Variants in TMEM150B observed in about 807,000 individuals in gnomAD.
TMEM150B encodes the protein transmembrane protein 150B, also known as modulator of macroautophagy TMEM150B.
In TMEM150B, 33 loss-of-function variants were observed where a neutral mutation model predicts 25.2. The observed-to-expected ratio is 1.31, with a 90% CI of 0.99 to 1.75. TMEM150B has a LOEUF of 1.75. Among genes scored for constraint, TMEM150B ranks in the 40% most tolerant of loss-of-function variants. TMEM150B has a pLI of 0.00. For missense variants in TMEM150B, 322 were observed against 306.1 expected (o/e 1.05, Z -0.39); for synonymous variants, 133 against 134.8 (o/e 0.99, Z 0.09).
At chr19:55,322,457 T>C (rs1039971983) in intron 2 of TMEM150B, among the ~76,000 whole-genome samples, 191 bp downstream of exon 2, 1 of 152,050 alleles carries the variant, frequency 6.6e-6, no homozygotes, top group Non-Finnish European at 1.5e-5. Context: ...TGGGCCCCCA[T>C]TGGCTCTCAG....
At chr19:55,311,193 C>T (rs1463898996), downstream of TMEM150B, among the ~76,000 whole-genome samples, 3 of 152,128 alleles carry the variant, frequency 2.0e-5, no homozygotes, top group African/African-American at 4.8e-5. Context: ...AACTCCTGAC[C>T]TCAAGTGATC....
intron 6 of TMEM150B, among the ~76,000 whole-genome samples, chr19:55,318,217 C>T (rs1032664408): frequency 4.0e-5 from 6 of 151,526 alleles, no homozygotes; most frequent in Middle Eastern, 6.5e-3. Context: ...AAAAAGTAGC[C>T]GGGCGTGGTG....
In TMEM150B at chr19:55,313,606, C is replaced by G. The variant is rs115363895; in HGVS notation, c.506-551G>C. The stretch of plus-strand genomic sequence containing the variant: ...TCCACCATCCACTCATGTGCCCCAG[C>G]AGACACTCCCCCGGCCCTCTCTTCA... On this transcript the variant is annotated intron_variant, in intron 7 of 7. Coordinates refer to ENST00000326652, the MANE Select transcript of TMEM150B (RefSeq NM_001282011.2). 5.6e-3 allele frequency among the ~76,000 whole-genome samples: 858 copies of G among 152,224 alleles called. 6 individuals are homozygous for G. The highest frequency in any genetic ancestry group is 0.02 in the African/African-American group (815 of 41,540).
chr19:55,321,829 G>C (rs749095345), intron 2 of TMEM150B, among the ~76,000 whole-genome samples: 2 of 152,132 alleles, frequency 1.3e-5, no homozygotes, highest in South Asian at 2.1e-4. Flanking sequence ...AGGGCCTCAG[G>C]TCGGCCTGCT....
intron 1 of TMEM150B, chr19:55,324,639 C>T (rs1303685941): frequency 1.1e-6 from 1 of 871,424 alleles, no homozygotes; most frequent in Non-Finnish European, 1.4e-6. Flanking sequence ...CAGAGTGAGA[C>T]TCCGTCTCCA....
At chr19:55,315,267 G>C (rs1323496572) in intron 7 of TMEM150B, among the ~76,000 whole-genome samples, 1 of 151,968 alleles carries the variant, frequency 6.6e-6, no homozygotes, top group African/African-American at 2.4e-5. Flanking sequence ...AGTGAGCCAA[G>C]ATCATGCCAC....
At chr19:55,314,252 TCTCATGTCATCCG>T (rs1468487806) in intron 7 of TMEM150B, among the ~76,000 whole-genome samples, 1 of 152,098 alleles carries the variant, frequency 6.6e-6, no homozygotes, top group Non-Finnish European at 1.5e-5. Context: ...GAACTCCTGA[TCTCATGTCATCCG>T]CCCGCCTTAG....
chr19:55,317,683 A>C (rs1163881619), intron 6 of TMEM150B, among the ~76,000 whole-genome samples: 4 of 152,120 alleles, frequency 2.6e-5, no homozygotes. Flanking sequence ...TGGGAGGCTG[A>C]GGCAGGAGAA....
Position 55,320,463 on chromosome 19 carries a change from G to T in TMEM150B, c.129-5C>A. 6.3e-7 allele frequency: 1 copy of T among 1,596,762 alleles called. No individual in the cohort carries two copies. The highest frequency in any genetic ancestry group is 8.5e-7 in the Non-Finnish European group (1 of 1,170,364). ...GGGGGGAAGGATCCGCAGATGCTGG[G>T]GAAGACAAAGGGGTCATCCTGGGCA... On this transcript the variant is annotated splice_region_variant and splice_polypyrimidine_tract_variant and intron_variant, in intron 4 of 7. Coordinates refer to ENST00000326652, the MANE Select transcript of TMEM150B (RefSeq NM_001282011.2).
At chr19:55,312,167 G>C (rs570663813), downstream of TMEM150B, 21 of 580,274 alleles carry the variant, frequency 3.6e-5, no homozygotes, top group East Asian at 3.4e-4. Flanking sequence ...TGTCGGGAGG[G>C]GGGTGGACAC....
At chr19:55,318,192 C>T (rs978626011) in intron 6 of TMEM150B, among the ~76,000 whole-genome samples, 2 of 151,768 alleles carry the variant, frequency 1.3e-5, no homozygotes, top group African/African-American at 4.8e-5. Flanking sequence ...GAAACCTTAT[C>T]TCTACTAAAA....
At chr19:55,320,766 C>A in intron 3 of TMEM150B, 149 bp from the exon 4 acceptor site, 2 of 1,002,988 alleles carry the variant, frequency 2.0e-6, no homozygotes, top group Non-Finnish European at 2.9e-6. Flanking sequence ...GAGTCCAGAT[C>A]CCCCAGCCCC....
downstream of TMEM150B, chr19:55,312,026 G>A (rs1424511353): frequency 1.8e-5 from 27 of 1,500,190 alleles, no homozygotes; most frequent in Admixed American, 2.3e-5. Context: ...GCCCCCCCAA[G>A]GACAAGAAGC....
downstream of TMEM150B, chr19:55,312,075 G>A (rs1406516262): frequency 2.3e-5 from 32 of 1,410,196 alleles, no homozygotes; most frequent in East Asian, 8.6e-5. Context: ...CTGACCCCAC[G>A]GGGCCGGGGA....
At chr19:55,321,142 C>T in intron 2 of TMEM150B, 49 bp from the exon 3 acceptor site, 1 of 1,483,884 alleles carries the variant, frequency 6.7e-7, no homozygotes, top group Non-Finnish European at 9.0e-7. Flanking sequence ...GATTGTGGCC[C>T]CAACCACTAG....
At chr19:55,314,062 C>T (rs555613462) in intron 7 of TMEM150B, among the ~76,000 whole-genome samples, 1 of 152,280 alleles carries the variant, frequency 6.6e-6, no homozygotes, top group East Asian at 1.9e-4. Flanking sequence ...CACTCTGTGT[C>T]CCAGGCTGGA....
At chr19:55,320,480 T>A in intron 4 of TMEM150B, 22 bp from the exon 5 acceptor site, 1 of 1,605,596 alleles carries the variant, frequency 6.2e-7, no homozygotes, top group Non-Finnish European at 8.5e-7. Flanking sequence ...AAAGGGGTCA[T>A]CCTGGGCAAT....
chr19:55,322,655 A>C lies in TMEM150B; in HGVS notation c.-65T>G. 2.0e-6 allele frequency: 2 copies of C among 984,966 alleles called. No homozygotes were observed. Among genetic ancestry groups the C allele is most frequent in the Middle Eastern group, 5.2e-4 (1 of 1,916 alleles). 61.0% of individuals were successfully genotyped at this position (984,966 alleles called of 1,614,324 possible). On this transcript the variant is annotated 5_prime_UTR_variant, in exon 2 of 8. Transcript: ENST00000326652. Reference sequence around the variant, plus strand: ...CCTCCCCAGGATGCTCACCTCTCCAAGCTTCCTGGGGCTCTCAGTCCTGGA... The same window carrying C: ...CCTCCCCAGGATGCTCACCTCTCCACGCTTCCTGGGGCTCTCAGTCCTGGA...
At chr19:55,311,187 C>G (rs1245145155), downstream of TMEM150B, among the ~76,000 whole-genome samples, 1 of 152,142 alleles carries the variant, frequency 6.6e-6, no homozygotes, top group Admixed American at 6.5e-5. Context: ...GTCTCAAACT[C>G]CTGACCTCAA....
Sources: allele counts gnomAD v4.1 joint callset (sites outside exome capture counted in the v4.1 genomes callset), GRCh38; gene constraint gnomAD v4.1.1; transcripts MANE v1.5; gene names NCBI Gene and HGNC (gene_info 2026-07-23, HGNC 2026-07-21).